DDX41: variants seen among roughly 807,000 people sequenced by gnomAD.
DDX41 encodes probable ATP-dependent RNA helicase DDX41.
In DDX41, 50 loss-of-function variants were observed where a neutral mutation model predicts 78.8. The observed-to-expected ratio is 0.63, with a 90% confidence interval of 0.51 to 0.80. The LOEUF (loss-of-function observed/expected upper bound fraction) is 0.80. DDX41 is among the 30% of genes least tolerant of loss of function. The probability of loss-of-function intolerance (pLI) is 0.00; values close to 1 mark genes in which losing one functional copy is unlikely to be tolerated. For synonymous variants in DDX41, 381 were observed against 321.5 expected, an observed-to-expected ratio of 1.19 and a Z score of -1.98; for missense variants, 633 against 849.2, an observed-to-expected ratio of 0.75 and a Z score of 3.16.
chr5:177,512,293 AGCTAAGGTGGC>A lies in DDX41; in HGVS notation c.1621+18_1621+28del. 1 of 1,613,998 alleles carries A rather than the reference AGCTAAGGTGGC, an allele frequency of 6.2e-7. No homozygotes were observed. Among genetic ancestry groups the A allele is most frequent in the Non-Finnish European group, 8.5e-7 (1 of 1,179,972 alleles). On this transcript the variant is annotated intron_variant, in intron 15 of 16. Coordinates refer to ENST00000330503, the MANE Select transcript of DDX41 (RefSeq NM_016222.4). ...GCCACAGGCAGGGGACCCAGGGAAC[AGCTAAGGTGGC>A]GCTGGTAACAGACTCACCACACGCT...
chr5:177,515,131 G>C, intron 7 of DDX41, 55 bp downstream of exon 7: 5 of 1,613,588 alleles, frequency 3.1e-6, no homozygotes, highest in African/African-American at 2.7e-5. Context: ...CCTAGCCATT[G>C]CTCCTCCCTG....
chr5:177,514,780 C>G lies in DDX41; in HGVS notation c.856G>C (p.Glu286Gln), dbSNP rs1263166065. ...ILEYYCRLLQ[E>Q]DSSPLLRCAL... Reference sequence around the variant, plus strand: ...CAGCGCAGGAGTGGTGAGCTGTCCTCCTGCAGCAGGCGGCAGTAGTACTCC... The same window carrying G: ...CAGCGCAGGAGTGGTGAGCTGTCCTGCTGCAGCAGGCGGCAGTAGTACTCC... Residue 286 changes from glutamate to glutamine, a missense_variant, in exon 9 of 17, where the codon GAG (glutamate) becomes CAG (glutamine). By Grantham distance (29) the Glu-to-Gln change is conservative (BLOSUM62 2). This residue lies in a region of DDX41 where 151 missense variants were observed against 169.2 expected (regional missense o/e 0.89). Transcript: ENST00000330503. The surrounding 1 kb of genome is among the most constrained non-coding windows in gnomAD (Gnocchi z 4.2). 6 of 1,612,832 alleles carry G rather than the reference C, an allele frequency of 3.7e-6. No homozygotes were observed. In the East Asian group the frequency reaches 8.9e-5, roughly 24 times the overall value.
Position 177,513,692 on chromosome 5 carries a change from TAGG to T in DDX41, c.1088_1090del (p.Ser363del), listed in dbSNP as rs1234975047. On this transcript the variant is annotated inframe_deletion, in exon 10 of 17. Coordinates refer to ENST00000330503, the MANE Select transcript of DDX41 (RefSeq NM_016222.4). The surrounding 1 kb of genome is among the most constrained non-coding windows in gnomAD (Gnocchi z 4.6). ...GCCGGGCGGGGGCGGCACCTTGAAGTAGGAGAAGATGGTACGGATGTCACCCTC... is the reference window on the plus strand; with the variant it reads ...GCCGGGCGGGGGCGGCACCTTGAAGTAGAAGATGGTACGGATGTCACCCTC... 5.0e-6 allele frequency: 8 copies of T among 1,613,204 alleles called. No homozygotes were observed. The highest frequency in any genetic ancestry group is 2.7e-5 in the African/African-American group (2 of 74,886).
rs2127436323 is a variant in DDX41, at chr5:177,513,177, A to C, written c.1231-95T>G. The C allele has an allele frequency of 6.5e-7, 1 of 1,532,428 alleles. No homozygotes were observed. The highest frequency in any genetic ancestry group is 8.9e-7 in the Non-Finnish European group (1 of 1,124,562). 94.9% of individuals were successfully genotyped at this position (1,532,428 alleles called of 1,614,324 possible). ...GTCATCTGGACCAGGAGGTGACCAGAAGCCTCTGGCCGCCAAGGGCTGGTG... is the reference window on the plus strand; with the variant it reads ...GTCATCTGGACCAGGAGGTGACCAGCAGCCTCTGGCCGCCAAGGGCTGGTG... On this transcript the variant is annotated intron_variant, in intron 11 of 16. Coordinates refer to ENST00000330503, the MANE Select transcript of DDX41 (RefSeq NM_016222.4). The surrounding 1 kb of genome is among the most constrained non-coding windows in gnomAD (Gnocchi z 4.6).
chr5:177,514,613 C>A lies in DDX41; in HGVS notation c.935+88G>T. ...ACTCACAGCAGCCCTCTGTGAAGAT[C>A]TGTGGAGTGGCTAAGGTAAAGGGTC... On this transcript the variant is annotated intron_variant, in intron 9 of 16. Coordinates refer to ENST00000330503, the MANE Select transcript of DDX41 (RefSeq NM_016222.4). This position sits in a 1 kb window ranked among gnomAD's most constrained non-coding sequence, Gnocchi z 4.2. 2 of 1,511,598 alleles carry A rather than the reference C, an allele frequency of 1.3e-6. No homozygotes were observed. Among genetic ancestry groups the A allele is most frequent in the Admixed American group, 1.9e-5 (1 of 51,904 alleles). 93.6% of individuals were successfully genotyped at this position (1,511,598 alleles called of 1,614,324 possible).
chr5:177,515,520 C>T (rs573933493), intron 6 of DDX41, 165 bp downstream of exon 6: 8 of 956,020 alleles, frequency 8.4e-6, no homozygotes, highest in East Asian at 4.8e-5. Flanking sequence ...ACAATGAACA[C>T]GTACAGCTGA....
At chr5:177,516,866 G>A (rs528826998) in intron 1 of DDX41, 31 bp from the exon 2 acceptor site, 22 of 1,613,220 alleles carry the variant, frequency 1.4e-5, no homozygotes, top group South Asian at 1.3e-4. Flanking sequence ...GGCACGGCCT[G>A]CTCCCCTCTT....
At chr5:177,512,289 G>C (rs773525667) in intron 15 of DDX41, 33 bp downstream of exon 15, 1 of 1,613,950 alleles carries the variant, frequency 6.2e-7, no homozygotes. Flanking sequence ...GGGACCCAGG[G>C]AACAGCTAAG....
Position 177,515,215 on chromosome 5 carries a change from T to A in DDX41, c.615A>T (p.Thr205=). ...GLKKKGIHHP[T]PIQIQGIPTI... ...TGGGGATGCCCTGGATCTGAATGGGTGTTGGGTGGTGAATGCCTTTCTTCT... is the reference window on the plus strand; with the variant it reads ...TGGGGATGCCCTGGATCTGAATGGGAGTTGGGTGGTGAATGCCTTTCTTCT... Residue 205 remains threonine, a synonymous_variant, in exon 7 of 17, where the codon ACA becomes ACT. Transcript: ENST00000330503. 1 of 1,613,858 alleles carries A rather than the reference T, an allele frequency of 6.2e-7. No homozygotes were observed. Among genetic ancestry groups the A allele is most frequent in the Non-Finnish European group, 8.5e-7 (1 of 1,179,990 alleles).
Position 177,513,913 on chromosome 5 carries a change from G to GCA in DDX41, c.936-68_936-67dup. 2.6e-6 allele frequency: 4 copies of GCA among 1,521,232 alleles called. No homozygotes were observed. The highest frequency in any genetic ancestry group is 1.8e-6 in the Non-Finnish European group (2 of 1,102,210). 94.2% of individuals were successfully genotyped at this position (1,521,232 alleles called of 1,614,324 possible). A position where few individuals can be genotyped will look rare whatever the true frequency, so the allele number is the denominator to read the frequency against. On this transcript the variant is annotated intron_variant, in intron 9 of 16. Coordinates refer to ENST00000330503, the MANE Select transcript of DDX41 (RefSeq NM_016222.4). This position sits in a 1 kb window ranked among gnomAD's most constrained non-coding sequence, Gnocchi z 4.6. ...CTATCACCTATCTAGAGGCAAGCAG[G>GCA]CACCCTGCATCTGCTCTGCTCTCTG... is the stretch of plus-strand genomic sequence containing the variant.
intron 15 of DDX41, 53 bp from the exon 16 acceptor site, chr5:177,512,259 A>T: frequency 6.2e-7 from 1 of 1,613,500 alleles, no homozygotes; most frequent in Non-Finnish European, 8.5e-7. Context: ...TGTGGCCAGA[A>T]CCTGGGTGGC....
At position 177,513,524 on chromosome 5, in the gene DDX41, T is replaced by C. The variant is rs545745122; in HGVS notation, c.1099-40A>G. On this transcript the variant is annotated intron_variant, in intron 10 of 16. Coordinates refer to ENST00000330503, the MANE Select transcript of DDX41 (RefSeq NM_016222.4). This position sits in a 1 kb window ranked among gnomAD's most constrained non-coding sequence, Gnocchi z 4.6. ...GGCTGCGACCAAGGGCACACAGGGC[T>C]GGGCTGAGGGGCATGGGGTCTGGGG... 1.9e-6 allele frequency: 3 copies of C among 1,613,796 alleles called. No homozygotes were observed. The African/African-American group carries it at 4.0e-5, about 22-fold the overall frequency.
chr5:177,515,112 TGAA>T (rs775458261), intron 7 of DDX41, 43 bp from the exon 8 acceptor site: 3 of 1,612,208 alleles, frequency 1.9e-6, no homozygotes, highest in Non-Finnish European at 2.5e-6. Context: ...CAACAGAAGA[TGAA>T]GGACACCTAG....
chr5:177,512,524 A>G lies in DDX41; in HGVS notation c.1521T>C (p.Tyr507=), dbSNP rs1231734986. 1 of 1,614,136 alleles carries G rather than the reference A, an allele frequency of 6.2e-7. No homozygotes were observed. ...AGTTCTCAATCTCCTCTGGCATGTC[A>G]TAATTGATGACGTGCTGGATGGCAG... is the stretch of plus-strand genomic sequence containing the variant. The part of the protein sequence containing the change: ...DFPAIQHVIN[Y]DMPEEIENYV... Residue 507 remains tyrosine (Y), a synonymous_variant, in exon 14 of 17, where the codon TAT becomes TAC. Transcript: ENST00000330503.
chr5:177,512,281 G>A (rs768660523), intron 15 of DDX41, 41 bp downstream of exon 15: 4 of 1,613,992 alleles, frequency 2.5e-6, no homozygotes, highest in East Asian at 2.2e-5. Context: ...ACAGGCAGGG[G>A]ACCCAGGGAA....
Position 177,513,540 on chromosome 5 carries a change from G to C in DDX41, c.1099-56C>G. 1.2e-6 allele frequency: 2 copies of C among 1,613,090 alleles called. No homozygotes were observed. The highest frequency in any genetic ancestry group is 1.7e-6 in the Non-Finnish European group (2 of 1,179,470). On this transcript the variant is annotated intron_variant, in intron 10 of 16. Transcript: ENST00000330503. The surrounding 1 kb of genome is among the most constrained non-coding windows in gnomAD (Gnocchi z 4.6). ...ACACAGGGCTGGGCTGAGGGGCATGGGGTCTGGGGAAGCTGAGCAACTGAG... is the reference window on the plus strand; with the variant it reads ...ACACAGGGCTGGGCTGAGGGGCATGCGGTCTGGGGAAGCTGAGCAACTGAG...
rs1444569182 is a variant in DDX41, at chr5:177,514,117, G to A, written c.936-270C>T. On this transcript the variant is annotated intron_variant, in intron 9 of 16. Coordinates refer to ENST00000330503, the MANE Select transcript of DDX41 (RefSeq NM_016222.4). The surrounding 1 kb of genome is among the most constrained non-coding windows in gnomAD (Gnocchi z 4.2). ...AGAAGCGCTGTCATCAAGCTCCAGA[G>A]GCTTTACTCTGGGCTCGCTTTCCTG... 1 of 633,884 alleles carries A rather than the reference G, an allele frequency of 1.6e-6. No individual in the cohort carries two copies. Among genetic ancestry groups the A allele is most frequent in the South Asian group, 1.5e-5 (1 of 66,164 alleles). 39.3% of individuals were successfully genotyped at this position (633,884 alleles called of 1,614,324 possible). A position where few individuals can be genotyped will look rare whatever the true frequency, so the allele number is the denominator to read the frequency against.
chr5:177,514,635 G>A lies in DDX41; in HGVS notation c.935+66C>T. On this transcript the variant is annotated intron_variant, in intron 9 of 16. Transcript: ENST00000330503. The surrounding 1 kb of genome is among the most constrained non-coding windows in gnomAD (Gnocchi z 4.2). ...GATCTGTGGAGTGGCTAAGGTAAAG[G>A]GTCCTTTAGCTTTTCCACAGACTCG... 2 of 1,553,918 alleles carry A rather than the reference G, an allele frequency of 1.3e-6. No homozygotes were observed. Among genetic ancestry groups the A allele is most frequent in the South Asian group, 1.2e-5 (1 of 83,962 alleles).
rs759282418 is a variant in DDX41, at chr5:177,515,973, C to T, written c.390G>A (p.Lys130=). 1.9e-6 allele frequency: 3 copies of T among 1,614,232 alleles called. No homozygotes were observed. The highest frequency in any genetic ancestry group is 1.1e-5 in the South Asian group (1 of 91,090). ...VAEGRALMSV[K]EMAKGITYDD... ...CATACGTAATGCCCTTAGCCATCTC[C>T]TTCACTGACATCAATGCTGAAGAGA... Residue 130 remains lysine (K), a synonymous_variant, in exon 5 of 17, where the codon AAG becomes AAA. Transcript: ENST00000330503.
Sources: gnomAD v4.1 joint callset for allele counts on GRCh38, gnomAD v4.1.1 for gene constraint, gnomAD v4.1.1 regional missense constraint, Gnocchi (gnomAD v3.1) non-coding constraint, MANE v1.5 for transcripts, NCBI Gene and HGNC (gene_info 2026-07-23, HGNC 2026-07-21) for gene names.